The following PRKD1 variants were observed in gnomAD, a reference collection of about 807,000 sequenced individuals.
PRKD1 encodes the protein serine/threonine-protein kinase D1.
A neutral mutation model predicts 95.9 loss-of-function variants in PRKD1; 63 were observed. That is an observed-to-expected ratio of 0.66 (90% CI 0.54 to 0.81). PRKD1 has a LOEUF of 0.81. Among genes scored for constraint, PRKD1 ranks in the 30% least tolerant of loss-of-function variants. The probability of loss-of-function intolerance (pLI) is 0.00; values close to 1 mark genes in which losing one functional copy is unlikely to be tolerated. For missense variants in PRKD1, 1,048 were observed against 1,165.3 expected, an observed-to-expected ratio of 0.90 and a Z score of 1.47; for synonymous variants, 425 against 423.1, an observed-to-expected ratio of 1.00 and a Z score of -0.05.
At chr14:29,917,742 G>A (rs1046565892) in intron 1 of PRKD1, among the ~76,000 whole-genome samples, 1 of 151,994 alleles carries the variant, frequency 6.6e-6, no homozygotes, top group African/African-American at 2.4e-5. Flanking sequence ...AGCTTCAACT[G>A]TCAAGATACA....
chr14:29,603,228 C>T (rs1288284933), intron 13 of PRKD1, among the ~76,000 whole-genome samples: 1 of 152,162 alleles, frequency 6.6e-6, no homozygotes, highest in Non-Finnish European at 1.5e-5. Flanking sequence ...AAAATCTTCT[C>T]AGTAGCGAAG....
chr14:29,924,187 G>A (rs1486306263), intron 1 of PRKD1, among the ~76,000 whole-genome samples: 1 of 152,048 alleles, frequency 6.6e-6, no homozygotes, highest in Admixed American at 6.6e-5. Flanking sequence ...GCCATACATT[G>A]TTACATACAA....
chr14:29,653,864 A>C (rs1223584415), intron 4 of PRKD1, among the ~76,000 whole-genome samples: 1 of 152,174 alleles, frequency 6.6e-6, no homozygotes, highest in Non-Finnish European at 1.5e-5. Flanking sequence ...CTGAAATACA[A>C]ATGGCCAATT....
chr14:29,647,010 C>T (rs544925116), intron 4 of PRKD1, among the ~76,000 whole-genome samples: 1 of 152,030 alleles, frequency 6.6e-6, no homozygotes, highest in South Asian at 2.1e-4. Context: ...TGTCAAATAT[C>T]CTAAATATAT....
At chr14:29,843,271 T>C (rs767620007) in intron 1 of PRKD1, among the ~76,000 whole-genome samples, 1 of 152,148 alleles carries the variant, frequency 6.6e-6, no homozygotes, top group Non-Finnish European at 1.5e-5. Flanking sequence ...AGAGAGGTCC[T>C]CAGAAGAAAC....
chr14:29,728,361 C>T (rs1886269209), intron 1 of PRKD1, among the ~76,000 whole-genome samples: 1 of 152,024 alleles, frequency 6.6e-6, no homozygotes, highest in Non-Finnish European at 1.5e-5. Context: ...TATAACTACC[C>T]ATATAACCAA....
chr14:29,861,932 G>A (rs1048647537), intron 1 of PRKD1, among the ~76,000 whole-genome samples: 3 of 152,084 alleles, frequency 2.0e-5, no homozygotes, highest in South Asian at 2.1e-4. Context: ...GATTATAGTC[G>A]TGAGCCACTG....
At chr14:29,900,123 G>A (rs2139428337) in intron 1 of PRKD1, among the ~76,000 whole-genome samples, 1 of 152,248 alleles carries the variant, frequency 6.6e-6, no homozygotes, top group South Asian at 2.1e-4. Context: ...CCAGTCTTGG[G>A]TATTTATAGC....
At chr14:29,823,167 C>G (rs1486570655) in intron 1 of PRKD1, among the ~76,000 whole-genome samples, 1 of 152,154 alleles carries the variant, frequency 6.6e-6, no homozygotes, top group Non-Finnish European at 1.5e-5. Flanking sequence ...CATAGGCACT[C>G]ACTTTCTCCT....
chr14:29,925,219 T>TA (rs147844533), intron 1 of PRKD1, among the ~76,000 whole-genome samples: 2,680 of 152,254 alleles, frequency 0.018, 82 homozygotes, highest in African/African-American at 0.062. Context: ...CCCTTTCCAG[T>TA]ATTTCTCCCA....
chr14:29,864,807 G>C (rs572464362), intron 1 of PRKD1, among the ~76,000 whole-genome samples: 55 of 152,226 alleles, frequency 3.6e-4, no homozygotes, highest in African/African-American at 1.3e-3. Context: ...AGAGTTAACA[G>C]CCCATGTGAA....
intron 1 of PRKD1, among the ~76,000 whole-genome samples, chr14:29,835,098 C>A (rs1891561358): frequency 1.3e-5 from 2 of 151,860 alleles, no homozygotes; most frequent in African/African-American, 2.4e-5. Flanking sequence ...GGAATCCCAA[C>A]CAACAAGTAA....
chr14:29,900,803 T>C (rs898301562), intron 1 of PRKD1, among the ~76,000 whole-genome samples: 1 of 151,968 alleles, frequency 6.6e-6, no homozygotes, highest in Non-Finnish European at 1.5e-5. Context: ...CACCAGTCAG[T>C]TGGCTAAAAT....
chr14:29,880,617 C>G (rs918693642), intron 1 of PRKD1, among the ~76,000 whole-genome samples: 4 of 151,956 alleles, frequency 2.6e-5, no homozygotes, highest in Non-Finnish European at 5.9e-5. Context: ...TCTTCCAGAC[C>G]CCAGAATGGT....
chr14:29,780,025 C>G (rs1415306716), intron 1 of PRKD1, among the ~76,000 whole-genome samples: 6 of 152,094 alleles, frequency 3.9e-5, no homozygotes, highest in African/African-American at 1.4e-4. Flanking sequence ...CTGACAAAAA[C>G]AAGAAATGGG....
intron 1 of PRKD1, among the ~76,000 whole-genome samples, chr14:29,891,067 A>G (rs796824140): frequency 5.3e-5 from 8 of 152,368 alleles, no homozygotes; most frequent in African/African-American, 1.7e-4. Flanking sequence ...ATGTACCGGC[A>G]CTATCCTAGA....
intron 1 of PRKD1, among the ~76,000 whole-genome samples, chr14:29,806,005 TGTA>T (rs1890216988): frequency 6.6e-6 from 1 of 152,076 alleles, no homozygotes; most frequent in African/African-American, 2.4e-5. Flanking sequence ...AAGAGTGTAC[TGTA>T]GTAGTGGAGA....
chr14:29,664,523 A>C (rs1242805724), intron 3 of PRKD1, among the ~76,000 whole-genome samples: 1 of 152,210 alleles, frequency 6.6e-6, no homozygotes, highest in Admixed American at 6.5e-5. Flanking sequence ...CATGTGTCAC[A>C]CAGCAGTCCG....
rs55912007 is a variant in PRKD1, at chr14:29,606,778, T to A, written c.1906-6961A>T. 1.6e-3 allele frequency among the ~76,000 whole-genome samples: 242 copies of A among 152,318 alleles called. 1 individual carries two copies. Among genetic ancestry groups the A allele is most frequent in the Non-Finnish European group, 2.7e-3 (187 of 68,028 alleles). Reference sequence around the variant, plus strand: ...GCTATTCAGATGATAATGACCACTGTACCTCTTTTACTTCTTACTTAGAAA... The same window carrying A: ...GCTATTCAGATGATAATGACCACTGAACCTCTTTTACTTCTTACTTAGAAA... On this transcript the variant is annotated intron_variant, in intron 13 of 17. Coordinates refer to ENST00000331968, the MANE Select transcript of PRKD1 (RefSeq NM_002742.3).
Sources: allele counts gnomAD v4.1 joint callset (sites outside exome capture counted in the v4.1 genomes callset), GRCh38; gene constraint gnomAD v4.1.1; transcripts MANE v1.5; gene names NCBI Gene and HGNC (gene_info 2026-07-23, HGNC 2026-07-21).